Variants in DLGAP1 observed in about 807,000 individuals in gnomAD.
The protein encoded by DLGAP1 is disks large-associated protein 1.
DLGAP1 carries 11 observed loss-of-function variants against 90.8 expected under a neutral mutation model. That is an observed-to-expected ratio of 0.12 (90% confidence interval 0.08 to 0.20). DLGAP1 has a LOEUF of 0.20. Ranked by LOEUF, DLGAP1 falls within the 10% of genes least tolerant of loss-of-function variation. The pLI is 1.00. For missense variants in DLGAP1, 1,050 were observed against 1,333.8 expected (o/e 0.79, Z 3.31); for synonymous variants, 558 against 540.7 (o/e 1.03, Z -0.44).
At chr18:4,176,844 C>T (rs1406295782) in intron 1 of DLGAP1, among the ~76,000 whole-genome samples, 1 of 152,180 alleles carries the variant, frequency 6.6e-6, no homozygotes, top group African/African-American at 2.4e-5. Context: ...GGAAGTTTAT[C>T]ATGGTAAATG....
At chr18:4,214,585 G>A (rs1234074190) in intron 1 of DLGAP1, among the ~76,000 whole-genome samples, 2 of 152,094 alleles carry the variant, frequency 1.3e-5, no homozygotes, top group South Asian at 2.1e-4. Context: ...TCTTAGCATT[G>A]ATTTACAGTT....
intron 1 of DLGAP1, among the ~76,000 whole-genome samples, chr18:4,269,351 TATA>T (rs1463389929): frequency 9.4e-5 from 12 of 127,178 alleles, no homozygotes; most frequent in African/African-American, 2.8e-4. Flanking sequence ...TATATATATA[TATA>T]TTTTTTTTTT....
At chr18:3,786,256 C>T (rs2065443440) in intron 5 of DLGAP1, among the ~76,000 whole-genome samples, 2 of 152,244 alleles carry the variant, frequency 1.3e-5, no homozygotes, top group Admixed American at 6.5e-5. Context: ...ATTATTCTCC[C>T]ATCCACAGAG....
At position 3,879,324 on chromosome 18, in the gene DLGAP1, T is replaced by C; in HGVS notation, c.745A>G (p.Lys249Glu). 1 of 1,604,332 alleles carries C rather than the reference T, an allele frequency of 6.2e-7. No homozygotes were observed. The change falls in exon 4 of 13, where the codon AAG (lysine) becomes GAG (glutamate). Residue 249 changes from lysine to glutamate, a missense_variant. Transcript: ENST00000315677. This position sits in a 1 kb window ranked among gnomAD's most constrained non-coding sequence, Gnocchi z 6.6. Reference sequence around the variant, plus strand: ...ACGTCGTTGTTGCTCCGGGAGGCCTTCACCGCCTGCTCGCTGATGGTGTTG... The same window carrying C: ...ACGTCGTTGTTGCTCCGGGAGGCCTCCACCGCCTGCTCGCTGATGGTGTTG... The part of the protein sequence containing the change: ...AYNTISEQAV[K>E]ASRSNNDVKC...
chr18:4,448,207 C>T (rs1014539715), intron 1 of DLGAP1, among the ~76,000 whole-genome samples: 3 of 152,194 alleles, frequency 2.0e-5, no homozygotes, highest in African/African-American at 7.2e-5. Flanking sequence ...CCTACTCCTA[C>T]AGAAAAGCCC....
chr18:4,277,496 GAT>G (rs559129999), intron 1 of DLGAP1, among the ~76,000 whole-genome samples: 8 of 152,282 alleles, frequency 5.3e-5, no homozygotes, highest in Admixed American at 3.3e-4. Context: ...TGTGGGGTAA[GAT>G]ATATGTCATA....
At chr18:3,533,044 C>G (rs150987120) in intron 10 of DLGAP1, among the ~76,000 whole-genome samples, 3,172 of 152,174 alleles carry the variant, frequency 0.021, 78 homozygotes, top group East Asian at 0.084. Context: ...GTAATCCCAG[C>G]GCTTTGGGAG....
chr18:3,840,021 C>T (rs754789965), intron 4 of DLGAP1, among the ~76,000 whole-genome samples: 18 of 152,324 alleles, frequency 1.2e-4, no homozygotes, highest in Middle Eastern at 3.4e-3. Context: ...CCTTCAAAAC[C>T]CTCTCTTTCT....
intron 1 of DLGAP1, among the ~76,000 whole-genome samples, chr18:4,279,532 G>A (rs938876040): frequency 6.6e-6 from 1 of 152,176 alleles, no homozygotes; most frequent in Non-Finnish European, 1.5e-5. Flanking sequence ...GGAAGTGCCT[G>A]ATGTGTAAGA....
intron 1 of DLGAP1, among the ~76,000 whole-genome samples, chr18:4,226,434 C>T (rs2078188521): frequency 6.6e-6 from 1 of 151,814 alleles, no homozygotes; most frequent in African/African-American, 2.4e-5. Flanking sequence ...CTTTTCATAT[C>T]TTGAGTAGAA....
intron 1 of DLGAP1, among the ~76,000 whole-genome samples, chr18:4,447,612 T>C (rs1363344717): frequency 6.6e-6 from 1 of 152,132 alleles, no homozygotes; most frequent in African/African-American, 2.4e-5. Flanking sequence ...AAGGGGTTTA[T>C]AATATTATTT....
chr18:3,864,763 G>A (rs528073457), intron 4 of DLGAP1, among the ~76,000 whole-genome samples: 7 of 152,182 alleles, frequency 4.6e-5, no homozygotes, highest in East Asian at 1.9e-4. Context: ...TAACAGCACC[G>A]TTTATGCACT....
intron 4 of DLGAP1, among the ~76,000 whole-genome samples, chr18:3,818,605 T>C (rs2067228341): frequency 6.6e-6 from 1 of 150,414 alleles, no homozygotes; most frequent in South Asian, 2.1e-4. Context: ...ACTATTTCAA[T>C]ACCTTTTTTT....
chr18:3,862,479 G>A (rs76983797), intron 4 of DLGAP1, among the ~76,000 whole-genome samples: 1,967 of 152,320 alleles, frequency 0.013, 39 homozygotes, highest in East Asian at 0.04. Context: ...TGAGAATGGA[G>A]ATATCACGTA....
intron 7 of DLGAP1, among the ~76,000 whole-genome samples, chr18:3,719,260 C>T (rs924436227): frequency 1.3e-5 from 2 of 151,866 alleles, no homozygotes; most frequent in Non-Finnish European, 2.9e-5. Flanking sequence ...CAGAAATCTA[C>T]ACGTGATAAA....
At chr18:3,547,217 C>T (rs1363659938) in intron 9 of DLGAP1, among the ~76,000 whole-genome samples, 1 of 146,982 alleles carries the variant, frequency 6.8e-6, no homozygotes, top group East Asian at 2.0e-4. Flanking sequence ...AGGAGAATGG[C>T]TTGAACCCCC....
At chr18:3,703,844 C>T (rs186020126) in intron 7 of DLGAP1, among the ~76,000 whole-genome samples, 2 of 152,254 alleles carry the variant, frequency 1.3e-5, no homozygotes, top group Admixed American at 1.3e-4. Flanking sequence ...GGAGACTTTC[C>T]ACACACGGTT....
intron 1 of DLGAP1, among the ~76,000 whole-genome samples, chr18:4,163,211 A>G (rs1329430934): frequency 6.6e-6 from 1 of 152,186 alleles, no homozygotes; most frequent in African/African-American, 2.4e-5. Flanking sequence ...TCTAATATAC[A>G]TATACCCACT....
intron 3 of DLGAP1, among the ~76,000 whole-genome samples, chr18:3,928,728 G>A (rs183033964): frequency 8.4e-4 from 128 of 152,272 alleles, no homozygotes; most frequent in African/African-American, 3.0e-3. Flanking sequence ...GCTAAACACA[G>A]GTGGTCTGGC....
Sources: gnomAD v4.1 joint callset for allele counts (sites outside exome capture counted in the v4.1 genomes callset) on GRCh38, gnomAD v4.1.1 for gene constraint, Gnocchi (gnomAD v3.1) non-coding constraint, MANE v1.5 for transcripts, NCBI Gene and HGNC (gene_info 2026-07-23, HGNC 2026-07-21) for gene names.